PHTF2: variants seen among roughly 807,000 people sequenced by gnomAD.
PHTF2 encodes protein PHTF2.
PHTF2 carries 60 observed loss-of-function variants against 101.2 expected under a neutral mutation model. That is an observed-to-expected ratio of 0.59 (90% CI 0.48 to 0.73). The LOEUF is 0.73. Among genes scored for constraint, PHTF2 ranks in the 30% least tolerant of loss-of-function variants. PHTF2 has a pLI of 0.00. For synonymous variants in PHTF2, 311 were observed against 307.3 expected, an observed-to-expected ratio of 1.01 and a Z score of -0.13; for missense variants, 747 against 908.7, an observed-to-expected ratio of 0.82 and a Z score of 2.29.
chr7:77,933,493 G>T (rs906627218), intron 12 of PHTF2, among the ~76,000 whole-genome samples: 3 of 152,142 alleles, frequency 2.0e-5, no homozygotes, highest in Non-Finnish European at 2.9e-5. Context: ...GAGCAGTTCC[G>T]TATGGTGACA....
intron 13 of PHTF2, among the ~76,000 whole-genome samples, chr7:77,938,394 T>C (rs1164665786): frequency 6.6e-6 from 1 of 152,216 alleles, no homozygotes; most frequent in African/African-American, 2.4e-5. Flanking sequence ...ATTAAAATTT[T>C]ATTTTCTATT....
chr7:77,825,433 C>T (rs939851484), intron 1 of PHTF2, among the ~76,000 whole-genome samples: 1 of 152,176 alleles, frequency 6.6e-6, no homozygotes, highest in Non-Finnish European at 1.5e-5. Flanking sequence ...TACATACCAG[C>T]GCTGAGCCTC....
chr7:77,903,621 A>C (rs1023858349), intron 7 of PHTF2, among the ~76,000 whole-genome samples: 5 of 152,238 alleles, frequency 3.3e-5, no homozygotes, highest in Non-Finnish European at 7.3e-5. Flanking sequence ...TTTTAAGTTC[A>C]GAATCCAAGT....
At chr7:77,930,171 C>T (rs1465264547) in intron 12 of PHTF2, among the ~76,000 whole-genome samples, 1 of 151,996 alleles carries the variant, frequency 6.6e-6, no homozygotes, top group African/African-American at 2.4e-5. Flanking sequence ...CCAGGCTGGT[C>T]TCGAACTCCT....
chr7:77,932,099 C>A (rs543887829), intron 12 of PHTF2, among the ~76,000 whole-genome samples: 1 of 150,762 alleles, frequency 6.6e-6, no homozygotes, highest in Non-Finnish European at 1.5e-5. Context: ...GACTCTGTCT[C>A]AAAAATAAAA....
At chr7:77,871,943 T>C (rs914224334) in intron 3 of PHTF2, among the ~76,000 whole-genome samples, 3 of 152,212 alleles carry the variant, frequency 2.0e-5, no homozygotes, top group Non-Finnish European at 4.4e-5. Flanking sequence ...TAAACCCATA[T>C]CTGGAGTAAG....
rs535700976 is a variant in PHTF2, at chr7:77,844,629, A to G, written c.45+4329A>G. On this transcript the variant is annotated intron_variant, in intron 2 of 19. Transcript: ENST00000416283. ...AACCTCTGCCTCTTGGGTTCAAGCA[A>G]TTCTCCTGCCTCAGCCTCCCCAGTA... Among the ~76,000 whole-genome samples, 150 of 152,314 alleles carry G rather than the reference A, an allele frequency of 9.8e-4. 1 individual carries two copies. Among genetic ancestry groups the G allele is most frequent in the African/African-American group, 3.4e-3 (141 of 41,564 alleles).
At position 77,893,541 on chromosome 7, in the gene PHTF2, A is replaced by T; in HGVS notation, c.148-67A>T. 6.1e-6 allele frequency: 4 copies of T among 659,698 alleles called. No homozygotes were observed. The South Asian group carries it at 8.0e-5, about 13-fold the overall frequency. The allele number at this position is 659,698 out of a possible 1,614,324, so 40.9% of individuals were successfully genotyped here. On this transcript the variant is annotated intron_variant, in intron 3 of 19. Coordinates refer to ENST00000416283, the Ensembl canonical transcript of PHTF2. ...ATGAATACTGAGTTGCTTGTATTTC[A>T]AGCAGAGTTATACCTATTTGATGGG...
chr7:77,934,174 T>C (rs762572579), intron 12 of PHTF2, among the ~76,000 whole-genome samples: 6 of 152,236 alleles, frequency 3.9e-5, no homozygotes, highest in African/African-American at 7.2e-5. Context: ...CTGTCTGCTA[T>C]ACAGATGGAA....
rs529642527 is a variant in PHTF2, at chr7:77,835,146, C to T, written c.-35-5075C>T. Among the ~76,000 whole-genome samples the T allele has an allele frequency of 1.4e-4, 22 of 151,844 alleles. No individual in the cohort carries two copies. The South Asian group carries it at 4.2e-3, about 29-fold the overall frequency. On this transcript the variant is annotated intron_variant, in intron 1 of 19. Coordinates refer to ENST00000416283, the Ensembl canonical transcript of PHTF2. ...AAAATTAGCCAGGCGTGGTGGTGGG[C>T]GCCTGTAGTCCTAGCTACTGAGGAG...
chr7:77,846,836 T>A (rs1584474511), intron 2 of PHTF2, among the ~76,000 whole-genome samples: 1 of 151,906 alleles, frequency 6.6e-6, no homozygotes, highest in Admixed American at 6.6e-5. Flanking sequence ...AGAGGCTGGG[T>A]CTTGCTCTGT....
intron 16 of PHTF2, among the ~76,000 whole-genome samples, chr7:77,943,572 A>G (rs1319173598): frequency 1.3e-5 from 2 of 152,194 alleles, no homozygotes; most frequent in Non-Finnish European, 2.9e-5. Flanking sequence ...ACATGTTCTC[A>G]GGGTCTCCTG....
chr7:77,922,015 T>TC (rs1803515407), intron 10 of PHTF2, among the ~76,000 whole-genome samples: 1 of 145,556 alleles, frequency 6.9e-6, no homozygotes, highest in African/African-American at 2.6e-5. Flanking sequence ...CTGTTTATAT[T>TC]CCTTTTTTTT....
chr7:77,932,613 AGAGAGAGAGTGTGT>A lies in PHTF2; in HGVS notation c.1338+3288_1338+3301del, dbSNP rs1394537863. On this transcript the variant is annotated intron_variant, in intron 12 of 19. Coordinates refer to ENST00000416283, the Ensembl canonical transcript of PHTF2. ...GAGAGAGAGAGAGAAAGAGAGAGAG[AGAGAGAGAGTGTGT>A]GTGTGTGTGTGTGTGTGTGTGTGTG... Among the ~76,000 whole-genome samples the A allele has an allele frequency of 5.9e-3, 662 of 111,720 alleles. 4 individuals carry two copies. Among genetic ancestry groups the A allele is most frequent in the African/African-American group, 0.023 (632 of 27,788 alleles). The allele number at this position is 111,720 out of a possible 152,430, so 73.3% of individuals were successfully genotyped here.
chr7:77,852,738 A>G (rs186167444), intron 2 of PHTF2, among the ~76,000 whole-genome samples: 1 of 152,302 alleles, frequency 6.6e-6, no homozygotes, highest in African/African-American at 2.4e-5. Context: ...CAGATTGAAG[A>G]ACTCCCTTTA....
intron 3 of PHTF2, among the ~76,000 whole-genome samples, chr7:77,876,610 C>G (rs1019070985): frequency 6.6e-6 from 1 of 152,062 alleles, no homozygotes; most frequent in Non-Finnish European, 1.5e-5. Flanking sequence ...CTAAAGAAGT[C>G]AGCTGGGCTT....
chr7:77,937,713 C>G, exon 13 of PHTF2: 1 of 1,252,226 alleles, frequency 8.0e-7, no homozygotes, highest in East Asian at 2.8e-5. Context: ...TTTATAGAGT[C>G]ATTTGCCCTG....
intron 5 of PHTF2, chr7:77,895,951 ACTCTTTCCT>A (rs962719528): frequency 1.5e-4 from 23 of 152,070 alleles, no homozygotes; most frequent in Non-Finnish European, 4.4e-5. Context: ...TCCTTGTTTC[ACTCTTTCCT>A]TCTTTCCCAC....
chr7:77,842,348 CAT>C lies in PHTF2; in HGVS notation c.45+2049_45+2050del, dbSNP rs1795956041. Among the ~76,000 whole-genome samples the C allele has an allele frequency of 2.0e-5, 3 of 152,268 alleles. No homozygotes were observed. In the South Asian group the frequency reaches 6.2e-4, roughly 32 times the overall value. On this transcript the variant is annotated intron_variant, in intron 2 of 19. Transcript: ENST00000416283. ...CCTCCCAAGTAGCTGGGACTACAGG[CAT>C]GTGCCACTATGCCCAGCTAGATCTT...
Sources: allele counts gnomAD v4.1 joint callset (sites outside exome capture counted in the v4.1 genomes callset), GRCh38; gene constraint gnomAD v4.1.1; transcripts MANE v1.5; gene names NCBI Gene and HGNC (gene_info 2026-07-23, HGNC 2026-07-21).